Variants in POU2F1 observed in about 807,000 individuals in gnomAD.
POU2F1 encodes the protein POU class 2 homeobox 1.
POU2F1 carries 16 observed loss-of-function variants against 84.9 expected under a neutral mutation model. The observed-to-expected ratio is 0.19, with a 90% CI of 0.13 to 0.29. The LOEUF (loss-of-function observed/expected upper bound fraction) is 0.29, where lower values mean the gene tolerates loss of function less well. Ranked by LOEUF, POU2F1 falls within the 10% of genes least tolerant of loss-of-function variation. POU2F1 has a pLI of 1.00. For synonymous variants in POU2F1, 368 were observed against 368.3 expected, an observed-to-expected ratio of 1.00 and a Z score of 0.01; for missense variants, 738 against 942.6, an observed-to-expected ratio of 0.78 and a Z score of 2.84.
At chr1:167,294,503 A>G (rs956000073) in intron 1 of POU2F1, among the ~76,000 whole-genome samples, 4 of 152,224 alleles carry the variant, frequency 2.6e-5, no homozygotes, top group Non-Finnish European at 4.4e-5. Flanking sequence ...GGGAGAAAAT[A>G]TTTGCAAACT....
chr1:167,389,802 G>T (rs1297778228), intron 9 of POU2F1, 41 bp downstream of exon 9: 1 of 1,586,562 alleles, frequency 6.3e-7, no homozygotes. Context: ...CTCCTTGGCT[G>T]GGTCCAAATA....
At chr1:167,403,315 G>A (rs369957372) in intron 13 of POU2F1, among the ~76,000 whole-genome samples, 18 of 152,266 alleles carry the variant, frequency 1.2e-4, no homozygotes, top group African/African-American at 3.6e-4. Flanking sequence ...TTTGATTGCA[G>A]CCTTGTGATA....
chr1:167,378,658 G>A (rs953956482), intron 7 of POU2F1, among the ~76,000 whole-genome samples: 2 of 152,150 alleles, frequency 1.3e-5, no homozygotes, highest in East Asian at 1.9e-4. Context: ...CGCCCACCTC[G>A]GCCTCCCAGA....
In POU2F1 at chr1:167,275,427, T is replaced by C. The variant is rs1022086708; in HGVS notation, c.61+54469T>C. ...TTAAAAACTGTATTAAAACTTTAAA[T>C]GTACATCATTCTTCAGTATGACTAC... On this transcript the variant is annotated intron_variant, in intron 1 of 15. Transcript: ENST00000367866. Among the ~76,000 whole-genome samples the C allele has an allele frequency of 6.6e-5, 10 of 152,150 alleles. No individual in the cohort carries two copies. The South Asian group carries it at 1.4e-3, about 22-fold the overall frequency.
intron 1 of POU2F1, among the ~76,000 whole-genome samples, chr1:167,274,409 T>C (rs1293087477): frequency 6.6e-6 from 1 of 152,234 alleles, no homozygotes; most frequent in African/African-American, 2.4e-5. Flanking sequence ...CTTTATCTAA[T>C]ATCTTCCTTT....
chr1:167,254,962 G>A (rs1043946908), intron 1 of POU2F1, among the ~76,000 whole-genome samples: 4 of 152,140 alleles, frequency 2.6e-5, no homozygotes, highest in African/African-American at 9.7e-5. Flanking sequence ...TATATTTAGT[G>A]GGAATTGGTT....
At chr1:167,311,258 A>G (rs73022242) in intron 1 of POU2F1, among the ~76,000 whole-genome samples, 13,219 of 152,194 alleles carry the variant, frequency 0.087, 1,817 homozygotes, top group African/African-American at 0.3. Context: ...CACCTTACCT[A>G]TGGGAAAAAC....
chr1:167,324,349 G>C (rs1362321783), intron 1 of POU2F1, among the ~76,000 whole-genome samples: 1 of 150,918 alleles, frequency 6.6e-6, no homozygotes, highest in Non-Finnish European at 1.5e-5. Context: ...AACTTTTCTT[G>C]AGTTTTTAGT....
chr1:167,395,127 A>G (rs1309732243), intron 9 of POU2F1, among the ~76,000 whole-genome samples: 1 of 152,210 alleles, frequency 6.6e-6, no homozygotes, highest in African/African-American at 2.4e-5. Flanking sequence ...CCTGTATATA[A>G]AGCAACTATC....
At chr1:167,256,664 C>T (rs529249078) in intron 1 of POU2F1, among the ~76,000 whole-genome samples, 1 of 152,186 alleles carries the variant, frequency 6.6e-6, no homozygotes, top group East Asian at 1.9e-4. Flanking sequence ...TTACGCCACC[C>T]GAAAAGTTAC....
chr1:167,372,156 G>A (rs576521469), intron 5 of POU2F1, 120 bp downstream of exon 5: 1 of 1,302,606 alleles, frequency 7.7e-7, no homozygotes, highest in Non-Finnish European at 1.1e-6. Flanking sequence ...TGGCACTATT[G>A]TGTCTTTAAG....
At chr1:167,412,672 G>C (rs1222615288) in intron 14 of POU2F1, among the ~76,000 whole-genome samples, 1 of 152,074 alleles carries the variant, frequency 6.6e-6, no homozygotes, top group African/African-American at 2.4e-5. Context: ...GATGTAATAG[G>C]AGTCTCAATT....
chr1:167,333,446 C>T (rs1013867191), intron 2 of POU2F1, among the ~76,000 whole-genome samples: 1 of 152,054 alleles, frequency 6.6e-6, no homozygotes, highest in Non-Finnish European at 1.5e-5. Flanking sequence ...GAGAGGGATC[C>T]CTTTTGACTT....
intron 1 of POU2F1, among the ~76,000 whole-genome samples, chr1:167,222,126 G>A (rs1447156813): frequency 2.0e-5 from 3 of 152,116 alleles, no homozygotes; most frequent in Non-Finnish European, 4.4e-5. Flanking sequence ...GGCCTCCCGA[G>A]AACTTGGATG....
At chr1:167,254,290 C>A (rs1250647952) in intron 1 of POU2F1, among the ~76,000 whole-genome samples, 1 of 152,028 alleles carries the variant, frequency 6.6e-6, no homozygotes, top group Non-Finnish European at 1.5e-5. Flanking sequence ...AATGTAGGTT[C>A]GATCAATGTT....
intron 1 of POU2F1, among the ~76,000 whole-genome samples, chr1:167,253,872 T>G (rs530025432): frequency 6.6e-5 from 10 of 152,338 alleles, no homozygotes; most frequent in Admixed American, 6.5e-4. Flanking sequence ...TCTCCTCTAA[T>G]ACGTATTTCA....
intron 7 of POU2F1, 101 bp downstream of exon 7, chr1:167,376,256 C>A: frequency 1.6e-6 from 2 of 1,256,030 alleles, no homozygotes; most frequent in South Asian, 2.1e-5. Context: ...ACTATTAGAC[C>A]AATGTTTTTA....
chr1:167,398,238 G>C, intron 11 of POU2F1, 105 bp downstream of exon 11: 1 of 1,321,976 alleles, frequency 7.6e-7, no homozygotes, highest in Non-Finnish European at 1.0e-6. Flanking sequence ...GTCAGCCTCT[G>C]CTCTTATGGA....
At chr1:167,379,727 A>G (rs1230492041) in intron 7 of POU2F1, 1 of 152,212 alleles carries the variant, frequency 6.6e-6, no homozygotes, top group Non-Finnish European at 1.5e-5. Context: ...TTAATTGCCA[A>G]AGCCTTAAGA....
Sources: allele counts gnomAD v4.1 joint callset (sites outside exome capture counted in the v4.1 genomes callset), GRCh38; gene constraint gnomAD v4.1.1; transcripts MANE v1.5; gene names NCBI Gene and HGNC (gene_info 2026-07-23, HGNC 2026-07-21).